The following ABCC2 variants were observed in gnomAD, a reference collection of about 807,000 sequenced individuals.
ABCC2 encodes the protein ATP-binding cassette sub-family C member 2.
Under a neutral mutation model 173.4 loss-of-function variants are expected in ABCC2, and 157 were observed. The observed-to-expected ratio is 0.91, with a 90% confidence interval of 0.80 to 1.03. The LOEUF is 1.03. Among genes scored for constraint, ABCC2 ranks in the 50% least tolerant of loss-of-function variants. The pLI is 0.00. For missense variants in ABCC2, 1,822 were observed against 1,852.3 expected (o/e 0.98, Z 0.30); for synonymous variants, 657 against 693.5 (o/e 0.95, Z 0.83).
intron 30 of ABCC2, 141 bp downstream of exon 30, chr10:99,847,268 A>G: frequency 2.9e-6 from 3 of 1,027,674 alleles, no homozygotes; most frequent in Non-Finnish European, 4.4e-6. Flanking sequence ...AACCTGTTGT[A>G]AAGTTCACAA....
In ABCC2 at chr10:99,804,042, C is replaced by T. The variant is rs886046619; in HGVS notation, c.1233C>T (p.Ala411=). ...AGGCATTGACCCTATCCAACTTGGCCAGGAAGGAGTACACCGTTGGAGAAA... is the reference window on the plus strand; with the variant it reads ...AGGCATTGACCCTATCCAACTTGGCTAGGAAGGAGTACACCGTTGGAGAAA... The part of the protein sequence containing the change: ...YKKALTLSNL[A]RKEYTVGETV... Residue 411 remains alanine, a synonymous_variant, in exon 10 of 32, where the codon GCC becomes GCT. Coordinates refer to ENST00000647814, the MANE Select transcript of ABCC2 (RefSeq NM_000392.5). 8 of 1,614,126 alleles carry T rather than the reference C, an allele frequency of 5.0e-6. No homozygotes were observed. The highest frequency in any genetic ancestry group is 5.9e-6 in the Non-Finnish European group (7 of 1,180,020).
At chr10:99,829,503 G>C (rs746988755) in intron 19 of ABCC2, among the ~76,000 whole-genome samples, 1 of 151,968 alleles carries the variant, frequency 6.6e-6, no homozygotes, top group East Asian at 1.9e-4. Context: ...ATATCTGGAG[G>C]TTCCTATTCT....
At chr10:99,832,719 G>A (rs1483855468) in intron 23 of ABCC2, among the ~76,000 whole-genome samples, 1 of 152,188 alleles carries the variant, frequency 6.6e-6, no homozygotes, top group Non-Finnish European at 1.5e-5. Flanking sequence ...ATTTGGTCTG[G>A]ACTATGGAAT....
intron 19 of ABCC2, among the ~76,000 whole-genome samples, chr10:99,820,993 T>C (rs1042528453): frequency 6.6e-6 from 1 of 152,150 alleles, no homozygotes; most frequent in African/African-American, 2.4e-5. Flanking sequence ...TTATTGATCA[T>C]TCGTGGGTGT....
In ABCC2 at chr10:99,811,746, G is replaced by C. The variant is rs560692529; in HGVS notation, c.1967+144G>C. 4 of 974,002 alleles carry C rather than the reference G, an allele frequency of 4.1e-6. No homozygotes were observed. The East Asian group carries it at 1.0e-4, about 25-fold the overall frequency. 60.3% of individuals were successfully genotyped at this position (974,002 alleles called of 1,614,324 possible). A position where few individuals can be genotyped will look rare whatever the true frequency, so the allele number is the denominator to read the frequency against. On this transcript the variant is annotated intron_variant, in intron 15 of 31. Transcript: ENST00000647814. Reference sequence around the variant, plus strand: ...GATACTAGTGCAGGATAAACCCCTGGAGAGATGAGCTGAAAGCAAAGGTTC... The same window carrying C: ...GATACTAGTGCAGGATAAACCCCTGCAGAGATGAGCTGAAAGCAAAGGTTC...
chr10:99,811,273 T>C (rs2038207960), intron 14 of ABCC2, among the ~76,000 whole-genome samples: 1 of 151,366 alleles, frequency 6.6e-6, no homozygotes, highest in African/African-American at 2.4e-5. Context: ...AAGGCGGCAG[T>C]CAGCCAAGAT....
Position 99,797,150 on chromosome 10 carries a change from T to C in ABCC2, c.686T>C (p.Val229Ala). Reference sequence around the variant, plus strand: ...CTGACACTCGAGGATGTCTGGGAAGTTGATGAAGAGATGAAAACCAAGACA... The same window carrying C: ...CTGACACTCGAGGATGTCTGGGAAGCTGATGAAGAGATGAAAACCAAGACA... ...RPLTLEDVWE[V>A]DEEMKTKTLV... is the part of the protein sequence containing the mutation. The change falls in exon 7 of 32, where the codon GTT becomes GCT. Residue 229 changes from valine to alanine, a missense_variant. Val to Ala is a moderately conservative substitution (Grantham distance 64, BLOSUM62 0). Transcript: ENST00000647814. The C allele has an allele frequency of 6.2e-7, 1 of 1,614,088 alleles. No homozygotes were observed. Among genetic ancestry groups the C allele is most frequent in the Non-Finnish European group, 8.5e-7 (1 of 1,180,014 alleles).
rs373245901 is a variant in ABCC2 at position 99,814,162 on chromosome 10, C to CATGT, written c.2094+1018_2094+1019insATGT. ...ATATACACACATGTATGTATACACA[C>CATGT]GTATATATACACACATGTATGTATA... is the stretch of plus-strand genomic sequence containing the variant. On this transcript the variant is annotated intron_variant, in intron 16 of 31. Transcript: ENST00000647814. Among the ~76,000 whole-genome samples the CATGT allele has an allele frequency of 8.4e-3, 223 of 26,656 alleles. 49 individuals carry two copies. Among genetic ancestry groups the CATGT allele is most frequent in the East Asian group, 0.036 (16 of 450 alleles). The allele number at this position is 26,656 out of a possible 152,430, so 17.5% of individuals were successfully genotyped here. A position where few individuals can be genotyped will look rare whatever the true frequency, so the allele number is the denominator to read the frequency against.
intron 2 of ABCC2, among the ~76,000 whole-genome samples, chr10:99,791,024 CT>C (rs1197187380): frequency 2.0e-5 from 3 of 152,234 alleles, no homozygotes; most frequent in African/African-American, 4.8e-5. Context: ...AATTTTCCCC[CT>C]GATAGGTGGG....
chr10:99,811,505 A>G (rs1242939683), intron 14 of ABCC2, 31 bp from the exon 15 acceptor site: 3 of 1,612,830 alleles, frequency 1.9e-6, no homozygotes, highest in East Asian at 2.2e-5. Context: ...GGGGACCTAC[A>G]TTGGACTAAA....
chr10:99,848,645 A>AT (rs764123420), intron 30 of ABCC2, among the ~76,000 whole-genome samples: 43 of 152,336 alleles, frequency 2.8e-4, no homozygotes, highest in Non-Finnish European at 5.9e-4. Context: ...TTCCCAGGTG[A>AT]TTTGTGTGCA....
At chr10:99,817,246 G>T (rs1438056297) in intron 16 of ABCC2, 62 bp from the exon 17 acceptor site, 17 of 1,536,276 alleles carry the variant, frequency 1.1e-5, no homozygotes, top group East Asian at 2.3e-5. Flanking sequence ...CAGCCACCCC[G>T]TCCTTCAACC....
intron 19 of ABCC2, among the ~76,000 whole-genome samples, chr10:99,820,062 T>C (rs984307151): frequency 1.3e-5 from 2 of 152,200 alleles, no homozygotes; most frequent in Non-Finnish European, 2.9e-5. Flanking sequence ...GACAGCATGT[T>C]CTGACCATGA....
In ABCC2 at chr10:99,807,765, A is replaced by G. The variant is rs555987863; in HGVS notation, c.1668+244A>G. Among the ~76,000 whole-genome samples, 55 of 152,332 alleles carry G rather than the reference A, an allele frequency of 3.6e-4. No individual in the cohort carries two copies. In the South Asian group the frequency reaches 0.011, roughly 31 times the overall value. On this transcript the variant is annotated intron_variant, in intron 12 of 31. Transcript: ENST00000647814. The stretch of plus-strand genomic sequence containing the variant: ...AGAGCAACTTTTCAGGATGCACAGC[A>G]AGAATGTGGTATCAGGAAGGATTGG...
intron 30 of ABCC2, among the ~76,000 whole-genome samples, chr10:99,847,387 A>G (rs189657999): frequency 1.8e-3 from 270 of 151,312 alleles, no homozygotes; most frequent in Non-Finnish European, 3.0e-3. Context: ...AGATCACCTG[A>G]GGTCAGGAGT....
chr10:99,844,751 A>G (rs1437411730), intron 28 of ABCC2, among the ~76,000 whole-genome samples: 1 of 152,170 alleles, frequency 6.6e-6, no homozygotes, highest in African/African-American at 2.4e-5. Context: ...GTATGCAGAG[A>G]GGAAGTCAGG....
chr10:99,800,633 G>C (rs2038001814), intron 9 of ABCC2, 70 bp downstream of exon 9: 6 of 1,549,252 alleles, frequency 3.9e-6, no homozygotes, highest in Non-Finnish European at 5.3e-6. Context: ...TTCCAAGGTT[G>C]AGGAAAATGT....
chr10:99,789,836 G>A (rs2132958416), intron 2 of ABCC2, among the ~76,000 whole-genome samples: 1 of 152,064 alleles, frequency 6.6e-6, no homozygotes, highest in Non-Finnish European at 1.5e-5. Context: ...GAATATCTTA[G>A]AGAAATATGT....
Position 99,851,776 on chromosome 10 carries a change from C to G in ABCC2, c.*145C>G. ...AGTGAACACCCATGAACCTACTACCCAGGTTAAGAAAATAAATGTCACCAG... is the reference window on the plus strand; with the variant it reads ...AGTGAACACCCATGAACCTACTACCGAGGTTAAGAAAATAAATGTCACCAG... On this transcript the variant is annotated 3_prime_UTR_variant, in exon 32 of 32. Coordinates refer to ENST00000647814, the MANE Select transcript of ABCC2 (RefSeq NM_000392.5). 3.8e-6 allele frequency: 3 copies of G among 792,132 alleles called. No individual in the cohort carries two copies. The highest frequency in any genetic ancestry group is 5.7e-6 in the Non-Finnish European group (3 of 527,304). 49.1% of individuals were successfully genotyped at this position (792,132 alleles called of 1,614,324 possible). A position where few individuals can be genotyped will look rare whatever the true frequency, so the allele number is the denominator to read the frequency against.
Sources: allele counts gnomAD v4.1 joint callset (sites outside exome capture counted in the v4.1 genomes callset), GRCh38; gene constraint gnomAD v4.1.1; transcripts MANE v1.5; gene names NCBI Gene and HGNC (gene_info 2026-07-23, HGNC 2026-07-21).